TENM3: variants seen among roughly 807,000 people sequenced by gnomAD.
TENM3 encodes teneurin transmembrane protein 3.
TENM3 carries 63 observed loss-of-function variants against 255.1 expected under a neutral mutation model. The observed-to-expected ratio is 0.25, with a 90% confidence interval of 0.20 to 0.30. TENM3 has a LOEUF of 0.30. Among genes scored for constraint, TENM3 ranks in the 10% least tolerant of loss-of-function variants. The pLI is 1.00. For synonymous variants in TENM3, 1,306 were observed against 1,322.3 expected (o/e 0.99, Z 0.27); for missense variants, 2,929 against 3,461.1 (o/e 0.85, Z 3.86).
At chr4:181,578,396 A>G in the TENM3 span, among the ~76,000 whole-genome samples, 11 of 152,224 alleles carry the variant, frequency 7.2e-5, no homozygotes, top group African/African-American at 2.4e-4. Flanking sequence ...ACTGACAGCA[A>G]AAGAGGCAGC....
At chr4:181,553,464 C>T in the TENM3 span, among the ~76,000 whole-genome samples, 12 of 151,888 alleles carry the variant, frequency 7.9e-5, no homozygotes, top group South Asian at 6.3e-4. Context: ...TATTTTGAGG[C>T]GGAGTCTGGC....
the TENM3 span, among the ~76,000 whole-genome samples, chr4:181,732,930 G>A: frequency 6.6e-6 from 1 of 152,234 alleles, no homozygotes; most frequent in African/African-American, 2.4e-5. Context: ...TATATTCGAA[G>A]AATTAAAAAG....
At chr4:182,427,872 C>A (rs1293476443) in intron 3 of TENM3, among the ~76,000 whole-genome samples, 1 of 151,646 alleles carries the variant, frequency 6.6e-6, no homozygotes, top group Non-Finnish European at 1.5e-5. Context: ...AAACATGTTG[C>A]ATCCATTACT....
chr4:182,711,434 C>T (rs1050832354), intron 12 of TENM3: 2 of 164,808 alleles, frequency 1.2e-5, no homozygotes, highest in Non-Finnish European at 2.5e-5. Context: ...TTAGGAGATA[C>T]GAAGTGCATC....
chr4:181,501,245 A>AC, the TENM3 span, among the ~76,000 whole-genome samples: 1 of 152,288 alleles, frequency 6.6e-6, no homozygotes, highest in East Asian at 1.9e-4. Context: ...TGACTTGAGG[A>AC]CACAGAGGCA....
the TENM3 span, among the ~76,000 whole-genome samples, chr4:181,525,396 C>CAAAAAAAAAAAAA: frequency 2.1e-4 from 20 of 97,310 alleles, no homozygotes; most frequent in African/African-American, 5.8e-4. Flanking sequence ...GACCCTGTTT[C>CAAAAAAAAAAAAA]AAAAAAAAAA....
the TENM3 span, among the ~76,000 whole-genome samples, chr4:181,525,755 G>C: frequency 6.6e-6 from 1 of 152,200 alleles, no homozygotes; most frequent in Non-Finnish European, 1.5e-5. Context: ...AAATGTAGCA[G>C]TCAAGAGCTG....
chr4:182,524,417 AGTGGCAT>A (rs35849849), intron 3 of TENM3, among the ~76,000 whole-genome samples: 2,904 of 124,158 alleles, frequency 0.023, 101 homozygotes, highest in African/African-American at 0.083. Flanking sequence ...GCCAGAGTGC[AGTGGCAT>A]GACCACGGTT....
intron 3 of TENM3, among the ~76,000 whole-genome samples, chr4:182,462,150 C>A (rs756274263): frequency 1.3e-5 from 2 of 151,484 alleles, no homozygotes; most frequent in Non-Finnish European, 2.9e-5. Context: ...CTTACTGTAA[C>A]CTTTAACTTC....
chr4:182,315,092 A>G (rs182147381), intron 1 of TENM3, among the ~76,000 whole-genome samples: 12 of 152,156 alleles, frequency 7.9e-5, no homozygotes, highest in African/African-American at 2.9e-4. Context: ...GCTATTATTG[A>G]GATATATTTT....
intron 1 of TENM3, among the ~76,000 whole-genome samples, chr4:182,222,997 G>C (rs1337776854): frequency 1.3e-5 from 2 of 152,122 alleles, no homozygotes; most frequent in African/African-American, 2.4e-5. Flanking sequence ...GGTTTTACAA[G>C]AACAGTTTGG....
the TENM3 span, among the ~76,000 whole-genome samples, chr4:181,610,455 C>T: frequency 2.0e-5 from 3 of 152,118 alleles, 1 homozygote; most frequent in South Asian, 6.2e-4. Context: ...TTTTGTCAAC[C>T]TAGTGCAGTT....
the TENM3 span, among the ~76,000 whole-genome samples, chr4:182,018,320 T>C: frequency 6.6e-6 from 1 of 152,164 alleles, no homozygotes; most frequent in East Asian, 1.9e-4. Context: ...GCGTGTGGGA[T>C]TTTATTTCCT....
At chr4:182,499,675 G>A (rs1455596063) in intron 3 of TENM3, among the ~76,000 whole-genome samples, 1 of 152,100 alleles carries the variant, frequency 6.6e-6, no homozygotes, top group Admixed American at 6.5e-5. Flanking sequence ...AAATTAAAAA[G>A]TTCTAGTACT....
chr4:182,466,204 G>C (rs1030085934), intron 3 of TENM3, among the ~76,000 whole-genome samples: 5 of 152,186 alleles, frequency 3.3e-5, no homozygotes, highest in African/African-American at 1.2e-4. Flanking sequence ...GAATTGCTCA[G>C]TCTGAGTGGC....
intron 1 of TENM3, among the ~76,000 whole-genome samples, chr4:182,230,062 C>G (rs1756457960): frequency 2.7e-5 from 4 of 150,632 alleles, no homozygotes; most frequent in Admixed American, 2.6e-4. Context: ...GCCAGAGACT[C>G]ACTGAACGTT....
At chr4:181,802,366 G>A in the TENM3 span, among the ~76,000 whole-genome samples, 8 of 152,132 alleles carry the variant, frequency 5.3e-5, no homozygotes, top group African/African-American at 1.7e-4. Flanking sequence ...TTCACTCAAT[G>A]GAATCCGCTG....
chr4:181,581,442 A>G, the TENM3 span, among the ~76,000 whole-genome samples: 18 of 147,566 alleles, frequency 1.2e-4, no homozygotes, highest in African/African-American at 4.3e-4. Flanking sequence ...CTCCATCTCA[A>G]AAACAAAACA....
intron 1 of TENM3, among the ~76,000 whole-genome samples, chr4:182,270,149 G>C (rs1203904604): frequency 6.6e-6 from 1 of 152,134 alleles, no homozygotes; most frequent in Non-Finnish European, 1.5e-5. Context: ...CGAAGCCTCC[G>C]GGTAGCAGCC....
Sources: gnomAD v4.1 joint callset for allele counts (sites outside exome capture counted in the v4.1 genomes callset) on GRCh38, gnomAD v4.1.1 for gene constraint, MANE v1.5 for transcripts, NCBI Gene and HGNC (gene_info 2026-07-23, HGNC 2026-07-21) for gene names.